KCNA1: variants seen among roughly 807,000 people sequenced by gnomAD.
KCNA1 encodes the protein potassium voltage-gated channel subfamily A member 1.
In KCNA1, 19 loss-of-function variants were observed where a neutral mutation model predicts 28.8. The observed-to-expected ratio is 0.66, with a 90% CI of 0.46 to 0.97. The LOEUF is 0.97. KCNA1 is among the 50% of genes least tolerant of loss of function. The probability of loss-of-function intolerance (pLI) is 0.00; values close to 1 mark genes in which losing one functional copy is unlikely to be tolerated. For synonymous variants in KCNA1, 311 were observed against 268.8 expected, an observed-to-expected ratio of 1.16 and a Z score of -1.53; for missense variants, 419 against 659.7, an observed-to-expected ratio of 0.64 and a Z score of 4.00.
In KCNA1 at chr12:4,910,146, G is replaced by A. The variant is rs569380431; in HGVS notation, c.-866G>A. The stretch of plus-strand genomic sequence containing the variant: ...TTATCGTCATTTGCCTCGGAGCTTC[G>A]AGAGAGGGTGGTATTTTGCTTTTCC... On this transcript the variant is annotated 5_prime_UTR_variant, in exon 1 of 2. Coordinates refer to ENST00000382545, the MANE Select transcript of KCNA1 (RefSeq NM_000217.3). This position sits in a 1 kb window ranked among gnomAD's most constrained non-coding sequence, Gnocchi z 4.9. 1 of 151,950 alleles carries A rather than the reference G, an allele frequency of 6.6e-6. No individual in the cohort carries two copies. Among genetic ancestry groups the A allele is most frequent in the Non-Finnish European group, 1.5e-5 (1 of 67,632 alleles). The allele number at this position is 151,950 out of a possible 1,614,324, so 9.4% of individuals were successfully genotyped here.
Position 4,911,848 on chromosome 12 carries a change from T to A in KCNA1, c.470T>A (p.Phe157Tyr). 1.2e-6 allele frequency: 2 copies of A among 1,613,904 alleles called. No homozygotes were observed. The highest frequency in any genetic ancestry group is 1.7e-6 in the Non-Finnish European group (2 of 1,179,928). Residue 157 changes from phenylalanine (F) to tyrosine (Y), a missense_variant, in exon 2 of 2, where the codon TTC (phenylalanine) becomes TAC (tyrosine). By Grantham distance (22) the Phe-to-Tyr change is conservative (BLOSUM62 3). Coordinates refer to ENST00000382545, the MANE Select transcript of KCNA1 (RefSeq NM_000217.3). The surrounding 1 kb of genome is among the most constrained non-coding windows in gnomAD (Gnocchi z 6.6). ...KEYQRQVWLL[F>Y]EYPESSGPAR... The stretch of plus-strand genomic sequence containing the variant: ...TACCAGCGCCAGGTGTGGCTGCTCT[T>A]CGAGTACCCCGAGAGCTCGGGGCCC...
chr12:4,916,869 C>T lies in KCNA1; in HGVS notation c.*4003C>T, dbSNP rs985300962. ...GCCTTCTTCACATTGTGTATAGTTA[C>T]ACGTTTTTCAAATTAGGTACCATCT... On this transcript the variant is annotated 3_prime_UTR_variant, in exon 2 of 2. Coordinates refer to ENST00000382545, the MANE Select transcript of KCNA1 (RefSeq NM_000217.3). The T allele has an allele frequency of 1.2e-5, 2 of 166,992 alleles. No homozygotes were observed. The highest frequency in any genetic ancestry group is 4.8e-5 in the African/African-American group (2 of 41,448). 10.3% of individuals were successfully genotyped at this position (166,992 alleles called of 1,614,324 possible).
In KCNA1 at chr12:4,911,289, G is replaced by T; in HGVS notation, c.-90G>T. On this transcript the variant is annotated 5_prime_UTR_variant, in exon 2 of 2. Transcript: ENST00000382545. The surrounding 1 kb of genome is among the most constrained non-coding windows in gnomAD (Gnocchi z 6.6). ...AGGGAGACGCGCGCTCCGGTGGGGG[G>T]GCCGCTTGGGTCCCCCCCACCCCTG... 2.0e-6 allele frequency: 2 copies of T among 1,007,026 alleles called. No individual in the cohort carries two copies. Among genetic ancestry groups the T allele is most frequent in the South Asian group, 1.4e-5 (1 of 69,782 alleles). The allele number at this position is 1,007,026 out of a possible 1,614,324, so 62.4% of individuals were successfully genotyped here. A position where few individuals can be genotyped will look rare whatever the true frequency, so the allele number is the denominator to read the frequency against.
chr12:4,911,399 G>A lies in KCNA1; in HGVS notation c.21G>A (p.Glu7=). 2 of 1,612,884 alleles carry A rather than the reference G, an allele frequency of 1.2e-6. No individual in the cohort carries two copies. The highest frequency in any genetic ancestry group is 1.7e-6 in the Non-Finnish European group (2 of 1,179,822). Residue 7 remains glutamate, a synonymous_variant, in exon 2 of 2, where the codon GAG becomes GAA. Transcript: ENST00000382545. The surrounding 1 kb of genome is among the most constrained non-coding windows in gnomAD (Gnocchi z 6.6). The stretch of plus-strand genomic sequence containing the variant: ...CCACCATGACGGTGATGTCTGGGGA[G>A]AACGTGGACGAGGCTTCGGCCGCCC... MTVMSG[E]NVDEASAAPG...
rs1565433686 is a variant in KCNA1, at chr12:4,912,874, AG to A, written c.*10del. ...CTACTGACCGATGTTTAAAAAACAA[AG>A]GCAAGCAAACAAAAAAGCCCCACTT... On this transcript the variant is annotated 3_prime_UTR_variant, in exon 2 of 2. Transcript: ENST00000382545. 1.2e-6 allele frequency: 2 copies of A among 1,600,506 alleles called. No individual in the cohort carries two copies. The highest frequency in any genetic ancestry group is 3.3e-5 in the Admixed American group (2 of 60,010).
In KCNA1 at chr12:4,911,376, A is replaced by G; in HGVS notation, c.-3A>G. The stretch of plus-strand genomic sequence containing the variant: ...CCTCCCACCCCCGCGCCCGGCTTCC[A>G]CCATGACGGTGATGTCTGGGGAGAA... On this transcript the variant is annotated 5_prime_UTR_variant, in exon 2 of 2. Coordinates refer to ENST00000382545, the MANE Select transcript of KCNA1 (RefSeq NM_000217.3). This position sits in a 1 kb window ranked among gnomAD's most constrained non-coding sequence, Gnocchi z 6.6. 1 of 1,589,384 alleles carries G rather than the reference A, an allele frequency of 6.3e-7. No homozygotes were observed. The highest frequency in any genetic ancestry group is 8.5e-7 in the Non-Finnish European group (1 of 1,170,342).
At position 4,914,021 on chromosome 12, in the gene KCNA1, A is replaced by G. The variant is rs963997682; in HGVS notation, c.*1155A>G. ...AGATGTACCTTGAATTAATTAATGC[A>G]TGATTTCAGTAATAAAAATTTTAAA... On this transcript the variant is annotated 3_prime_UTR_variant, in exon 2 of 2. Coordinates refer to ENST00000382545, the MANE Select transcript of KCNA1 (RefSeq NM_000217.3). 1 of 161,930 alleles carries G rather than the reference A, an allele frequency of 6.2e-6. No individual in the cohort carries two copies. The highest frequency in any genetic ancestry group is 1.5e-5 in the Non-Finnish European group (1 of 66,852). 10.0% of individuals were successfully genotyped at this position (161,930 alleles called of 1,614,324 possible). A position where few individuals can be genotyped will look rare whatever the true frequency, so the allele number is the denominator to read the frequency against.
At position 4,911,301 on chromosome 12, in the gene KCNA1, C is replaced by G. The variant is rs1024544676; in HGVS notation, c.-78C>G. On this transcript the variant is annotated 5_prime_UTR_variant, in exon 2 of 2. Transcript: ENST00000382545. This position sits in a 1 kb window ranked among gnomAD's most constrained non-coding sequence, Gnocchi z 6.6. ...GCTCCGGTGGGGGGGCCGCTTGGGT[C>G]CCCCCCACCCCTGGTCCCTGGCTGC... 29 of 1,122,766 alleles carry G rather than the reference C, an allele frequency of 2.6e-5. No individual in the cohort carries two copies. The highest frequency in any genetic ancestry group is 4.6e-5 in the African/African-American group (3 of 64,676). The allele number at this position is 1,122,766 out of a possible 1,614,324, so 69.6% of individuals were successfully genotyped here.
Position 4,916,302 on chromosome 12 carries a change from C to T in KCNA1, c.*3436C>T, listed in dbSNP as rs553545136. 6.0e-6 allele frequency: 1 copy of T among 167,190 alleles called. No homozygotes were observed. The highest frequency in any genetic ancestry group is 1.9e-4 in the East Asian group (1 of 5,194). 10.4% of individuals were successfully genotyped at this position (167,190 alleles called of 1,614,324 possible). On this transcript the variant is annotated 3_prime_UTR_variant, in exon 2 of 2. Transcript: ENST00000382545. ...GAGAAGACTTCTGATGTGCTGATAGCTATAATTCCTCTCTTCCAGTCTATT... is the reference window on the plus strand; with the variant it reads ...GAGAAGACTTCTGATGTGCTGATAGTTATAATTCCTCTCTTCCAGTCTATT...
At position 4,913,105 on chromosome 12, in the gene KCNA1, G is replaced by A. The variant is rs1251331010; in HGVS notation, c.*239G>A. On this transcript the variant is annotated 3_prime_UTR_variant, in exon 2 of 2. Transcript: ENST00000382545. ...CCTTTTATTAAAAAATGGGAAAAGA[G>A]AGAGTATTTTCTAAAACTGGCTTAA... The A allele has an allele frequency of 9.2e-6, 5 of 540,820 alleles. No individual in the cohort carries two copies. Among genetic ancestry groups the A allele is most frequent in the Non-Finnish European group, 1.0e-5 (3 of 294,948 alleles). 33.5% of individuals were successfully genotyped at this position (540,820 alleles called of 1,614,324 possible). A position where few individuals can be genotyped will look rare whatever the true frequency, so the allele number is the denominator to read the frequency against.
chr12:4,910,488 G>C lies in KCNA1; in HGVS notation c.-540+16G>C. ...AGCCGGCCAGGTAGGGGGTTCCCCA[G>C]CTCGGGGATGCAGAAGCGGGGGTTG... On this transcript the variant is annotated intron_variant, in intron 1 of 1. Transcript: ENST00000382545. This position sits in a 1 kb window ranked among gnomAD's most constrained non-coding sequence, Gnocchi z 4.9. 1 of 152,076 alleles carries C rather than the reference G, an allele frequency of 6.6e-6. No individual in the cohort carries two copies. The highest frequency in any genetic ancestry group is 1.9e-4 in the East Asian group (1 of 5,144). The allele number at this position is 152,076 out of a possible 1,614,324, so 9.4% of individuals were successfully genotyped here. A position where few individuals can be genotyped will look rare whatever the true frequency, so the allele number is the denominator to read the frequency against.
In KCNA1 at chr12:4,911,894, C is replaced by T. The variant is rs1346046424; in HGVS notation, c.516C>T (p.Val172=). ...GGCCCGCCAGGGTCATCGCCATCGT[C>T]TCCGTCATGGTCATCCTCATCTCCA... ...SSGPARVIAI[V]SVMVILISIV... Residue 172 remains valine (V), a synonymous_variant, in exon 2 of 2, where the codon GTC becomes GTT. Coordinates refer to ENST00000382545, the MANE Select transcript of KCNA1 (RefSeq NM_000217.3). This position sits in a 1 kb window ranked among gnomAD's most constrained non-coding sequence, Gnocchi z 6.6. 6.2e-7 allele frequency: 1 copy of T among 1,613,982 alleles called. No homozygotes were observed. The highest frequency in any genetic ancestry group is 8.5e-7 in the Non-Finnish European group (1 of 1,180,014).
In KCNA1 at chr12:4,914,218, G is replaced by A. The variant is rs1196145391; in HGVS notation, c.*1352G>A. On this transcript the variant is annotated 3_prime_UTR_variant, in exon 2 of 2. Coordinates refer to ENST00000382545, the MANE Select transcript of KCNA1 (RefSeq NM_000217.3). ...CCCATCCCTTAAAGGGAAGCCATGT[G>A]AAAAACTCAATAAGTCATCAAAGTA... 6.0e-6 allele frequency: 1 copy of A among 166,970 alleles called. No individual in the cohort carries two copies. The highest frequency in any genetic ancestry group is 1.5e-5 in the Non-Finnish European group (1 of 68,106). The allele number at this position is 166,970 out of a possible 1,614,324, so 10.3% of individuals were successfully genotyped here. A position where few individuals can be genotyped will look rare whatever the true frequency, so the allele number is the denominator to read the frequency against.
In KCNA1 at chr12:4,913,277, G is replaced by T; in HGVS notation, c.*411G>T. The T allele has an allele frequency of 3.7e-6, 1 of 272,414 alleles. No homozygotes were observed. Among genetic ancestry groups the T allele is most frequent in the Non-Finnish European group, 7.5e-6 (1 of 132,756 alleles). 16.9% of individuals were successfully genotyped at this position (272,414 alleles called of 1,614,324 possible). On this transcript the variant is annotated 3_prime_UTR_variant, in exon 2 of 2. Transcript: ENST00000382545. ...AGAAATATGAAATTGAAATTCGCAT[G>T]GGACTCCAGTAAAACATCTTTGCAA...
chr12:4,910,898 G>C lies in KCNA1; in HGVS notation c.-481G>C, dbSNP rs560976682. Reference sequence around the variant, plus strand: ...GCGGCAGGCGAAGAGGGGTAGGAGGGGGGAGAGCCGAGGAGAAGCAGAGAG... The same window carrying C: ...GCGGCAGGCGAAGAGGGGTAGGAGGCGGGAGAGCCGAGGAGAAGCAGAGAG... On this transcript the variant is annotated 5_prime_UTR_variant, in exon 2 of 2. Coordinates refer to ENST00000382545, the MANE Select transcript of KCNA1 (RefSeq NM_000217.3). The surrounding 1 kb of genome is among the most constrained non-coding windows in gnomAD (Gnocchi z 4.9). 3 of 189,218 alleles carry C rather than the reference G, an allele frequency of 1.6e-5. No individual in the cohort carries two copies. Among genetic ancestry groups the C allele is most frequent in the African/African-American group, 7.2e-5 (3 of 41,906 alleles). 11.7% of individuals were successfully genotyped at this position (189,218 alleles called of 1,614,324 possible).
At position 4,911,423 on chromosome 12, in the gene KCNA1, C is replaced by A. The variant is rs750848000; in HGVS notation, c.45C>A (p.Ala15=). 6.2e-7 allele frequency: 1 copy of A among 1,613,346 alleles called. No individual in the cohort carries two copies. Among genetic ancestry groups the A allele is most frequent in the Non-Finnish European group, 8.5e-7 (1 of 1,179,842 alleles). The change falls in exon 2 of 2, where the codon GCC becomes GCA. Residue 15 remains alanine, a synonymous_variant. Transcript: ENST00000382545. The surrounding 1 kb of genome is among the most constrained non-coding windows in gnomAD (Gnocchi z 6.6). ...AGAACGTGGACGAGGCTTCGGCCGC[C>A]CCGGGCCACCCCCAGGATGGCAGCT... ...SGENVDEASA[A]PGHPQDGSYP... is the part of the protein sequence containing the mutation.
At position 4,916,263 on chromosome 12, in the gene KCNA1, G is replaced by A. The variant is rs1947385739; in HGVS notation, c.*3397G>A. 1 of 167,016 alleles carries A rather than the reference G, an allele frequency of 6.0e-6. No individual in the cohort carries two copies. Among genetic ancestry groups the A allele is most frequent in the South Asian group, 2.1e-4 (1 of 4,824 alleles). The allele number at this position is 167,016 out of a possible 1,614,324, so 10.3% of individuals were successfully genotyped here. A position where few individuals can be genotyped will look rare whatever the true frequency, so the allele number is the denominator to read the frequency against. On this transcript the variant is annotated 3_prime_UTR_variant, in exon 2 of 2. Coordinates refer to ENST00000382545, the MANE Select transcript of KCNA1 (RefSeq NM_000217.3). Reference sequence around the variant, plus strand: ...GTAACAGCTCATGTCCTGACTATGTGTTTTCTCCAGAAGGAGAAGACTTCT... The same window carrying A: ...GTAACAGCTCATGTCCTGACTATGTATTTTCTCCAGAAGGAGAAGACTTCT...
chr12:4,913,094 A>T lies in KCNA1; in HGVS notation c.*228A>T, dbSNP rs142908193. 1.8e-6 allele frequency: 1 copy of T among 561,042 alleles called. No homozygotes were observed. The highest frequency in any genetic ancestry group is 3.3e-6 in the Non-Finnish European group (1 of 307,186). The allele number at this position is 561,042 out of a possible 1,614,324, so 34.8% of individuals were successfully genotyped here. On this transcript the variant is annotated 3_prime_UTR_variant, in exon 2 of 2. Transcript: ENST00000382545. ...TAAACTATTTTCCTTTTATTAAAAA[A>T]TGGGAAAAGAGAGAGTATTTTCTAA...
At position 4,912,416 on chromosome 12, in the gene KCNA1, T is replaced by C. The variant is rs758191529; in HGVS notation, c.1038T>C (p.Phe346=). The C allele has an allele frequency of 3.7e-6, 6 of 1,614,068 alleles. No homozygotes were observed. The highest frequency in any genetic ancestry group is 1.7e-5 in the Admixed American group (1 of 59,998). The change falls in exon 2 of 2, where the codon TTT becomes TTC. Residue 346 remains phenylalanine (F), a synonymous_variant. Transcript: ENST00000382545. ...GVILFSSAVY[F]AEAEEAESHF... ...TCCTGTTTTCTAGTGCAGTGTACTT[T>C]GCCGAGGCGGAAGAAGCTGAGTCGC...
Sources: gnomAD v4.1 joint callset for allele counts on GRCh38, gnomAD v4.1.1 for gene constraint, Gnocchi (gnomAD v3.1) non-coding constraint, MANE v1.5 for transcripts, NCBI Gene and HGNC (gene_info 2026-07-23, HGNC 2026-07-21) for gene names.